The following MAD2L2 variants were observed in gnomAD, a reference collection of about 807,000 sequenced individuals.
MAD2L2 encodes the protein mitotic spindle assembly checkpoint protein MAD2B.
MAD2L2 carries 17 observed loss-of-function variants against 30.5 expected under a neutral mutation model. The ratio of observed to expected loss-of-function variants is 0.56; its 90% CI spans 0.38 to 0.84. The LOEUF (loss-of-function observed/expected upper bound fraction) is 0.84. MAD2L2 is among the 40% of genes least tolerant of loss of function. The pLI, the probability that MAD2L2 is intolerant of heterozygous loss-of-function variation, is 0.00. For synonymous variants in MAD2L2, 101 were observed against 113.9 expected (o/e 0.89, Z 0.72); for missense variants, 213 against 277.4 (o/e 0.77, Z 1.65).
chr1:11,683,649 A>T (rs1456058272), upstream of MAD2L2, among the ~76,000 whole-genome samples: 1 of 152,122 alleles, frequency 6.6e-6, no homozygotes, highest in African/African-American at 2.4e-5. Context: ...TAACTTACCC[A>T]TGTAACCAAA....
At chr1:11,682,795 T>G (rs1037809950), upstream of MAD2L2, among the ~76,000 whole-genome samples, 1 of 152,164 alleles carries the variant, frequency 6.6e-6, no homozygotes, top group Admixed American at 6.5e-5. Flanking sequence ...AAAATTGTGA[T>G]GTAAAATCAT....
At chr1:11,683,401 C>G (rs1039466176), upstream of MAD2L2, among the ~76,000 whole-genome samples, 10 of 152,166 alleles carry the variant, frequency 6.6e-5, no homozygotes, top group African/African-American at 2.4e-4. Flanking sequence ...CAACTAGAAA[C>G]CTGTGGATAA....
rs1306121487 is a variant in MAD2L2 at position 11,688,837 on chromosome 1, T to A, written c.-692+2576A>T. On this transcript the variant is annotated intron_variant, in intron 1 of 10. Transcript: ENST00000235310. This position sits in a 1 kb window ranked among gnomAD's most constrained non-coding sequence, Gnocchi z 4.6. ...GCACAAGATACAGGTCATAAAGACC[T>A]TGCTGATAAAACAGTTTGCAGTAAG... Among the ~76,000 whole-genome samples the A allele has an allele frequency of 1.3e-5, 2 of 152,184 alleles. No homozygotes were observed. The highest frequency in any genetic ancestry group is 2.4e-5 in the African/African-American group (1 of 41,454).
At chr1:11,677,280 G>GA (rs1640786354) in intron 4 of MAD2L2, 1 of 595,948 alleles carries the variant, frequency 1.7e-6, no homozygotes, top group Non-Finnish European at 3.0e-6. Context: ...GAAGAACCCC[G>GA]AACCCTCTGG....
Position 11,675,125 on chromosome 1 carries a change from G to A in MAD2L2, c.551C>T (p.Pro184Leu). ...CATGGTTTTTAGTGGTATCAGCCGG[G>A]GGTCATGCATGTGGACATCCTGCTC... is the stretch of plus-strand genomic sequence containing the variant. Reference protein sequence around the residue: ...ADEQDVHMHDPRLIPLKTMTS... With the variant: ...ADEQDVHMHDLRLIPLKTMTS... Residue 184 changes from proline to leucine, a missense_variant, in exon 8 of 9, where the codon CCC (proline) becomes CTC (leucine). By Grantham distance (98) the Pro-to-Leu change is moderately conservative. Transcript: ENST00000376692. 6.2e-7 allele frequency: 1 copy of A among 1,605,222 alleles called. No individual in the cohort carries two copies. The highest frequency in any genetic ancestry group is 8.5e-7 in the Non-Finnish European group (1 of 1,175,366).
At position 11,676,828 on chromosome 1, in the gene MAD2L2, G is replaced by A. The variant is rs559644551; in HGVS notation, c.332+20C>T. On this transcript the variant is annotated intron_variant, in intron 5 of 8. Coordinates refer to ENST00000376692, the MANE Select transcript of MAD2L2 (RefSeq NM_006341.4). ...ACACACCTGATGCCAGCTAGTGGGC[G>A]AGGGGCAGGGGCAGCCCACCTGATG... The A allele has an allele frequency of 1.8e-5, 28 of 1,598,984 alleles. No individual in the cohort carries two copies. The highest frequency in any genetic ancestry group is 1.0e-4 in the Admixed American group (6 of 59,962).
intron 1 of MAD2L2, among the ~76,000 whole-genome samples, chr1:11,689,428 T>A (rs111886081): frequency 0.15 from 22,233 of 151,112 alleles, 1,867 homozygotes; most frequent in South Asian, 0.21. Context: ...TGAAACCCCA[T>A]CTCTACTGAA....
chr1:11,677,457 C>T, intron 4 of MAD2L2, 86 bp downstream of exon 4: 1 of 1,305,272 alleles, frequency 7.7e-7, no homozygotes, highest in South Asian at 1.2e-5. Context: ...GTCCTAGCTT[C>T]ACCCCATCCC....
chr1:11,677,426 G>C (rs756984926), intron 4 of MAD2L2, 117 bp downstream of exon 4: 3 of 994,204 alleles, frequency 3.0e-6, no homozygotes, highest in Non-Finnish European at 4.7e-6. Context: ...CTGGGTATTG[G>C]AGCCATGAAG....
rs111623306 is a variant in MAD2L2 at position 11,688,475 on chromosome 1, C to T, written c.-692+2938G>A. Among the ~76,000 whole-genome samples, 19 of 152,086 alleles carry T rather than the reference C, an allele frequency of 1.2e-4. 1 individual carries two copies. Among genetic ancestry groups the T allele is most frequent in the African/African-American group, 4.6e-4 (19 of 41,470 alleles). ...ACTCAGGAAGCTGAGGCAGGCGAATCGCTTGAACTTGGGAGGCAGAGGTTG... is the reference window on the plus strand; with the variant it reads ...ACTCAGGAAGCTGAGGCAGGCGAATTGCTTGAACTTGGGAGGCAGAGGTTG... On this transcript the variant is annotated intron_variant, in intron 1 of 10. Transcript: ENST00000235310. This position sits in a 1 kb window ranked among gnomAD's most constrained non-coding sequence, Gnocchi z 4.6.
At chr1:11,675,025 G>A in intron 8 of MAD2L2, 57 bp downstream of exon 8, 1 of 1,441,256 alleles carries the variant, frequency 6.9e-7, no homozygotes, top group Non-Finnish European at 9.5e-7. Context: ...TCAGCACCGG[G>A]CCTCACTTCG....
At chr1:11,675,235 G>C (rs1385863681) in intron 7 of MAD2L2, 61 bp from the exon 8 acceptor site, 1 of 1,202,582 alleles carries the variant, frequency 8.3e-7, no homozygotes, top group African/African-American at 1.5e-5. Context: ...CCCTCACTTT[G>C]CTGTCCCTCC....
chr1:11,674,654 G>A lies in MAD2L2; in HGVS notation c.*121C>T. 1 of 1,084,482 alleles carries A rather than the reference G, an allele frequency of 9.2e-7. No individual in the cohort carries two copies. Among genetic ancestry groups the A allele is most frequent in the Non-Finnish European group, 1.4e-6 (1 of 723,358 alleles). 67.2% of individuals were successfully genotyped at this position (1,084,482 alleles called of 1,614,324 possible). ...ACCTGAGCGGCCCCGGGCTGGGGCGGGCGATCCACACACAGAGGCGATAAG... is the reference window on the plus strand; with the variant it reads ...ACCTGAGCGGCCCCGGGCTGGGGCGAGCGATCCACACACAGAGGCGATAAG... On this transcript the variant is annotated 3_prime_UTR_variant, in exon 9 of 9. Coordinates refer to ENST00000376692, the MANE Select transcript of MAD2L2 (RefSeq NM_006341.4). This position sits in a 1 kb window ranked among gnomAD's most constrained non-coding sequence, Gnocchi z 6.1.
intron 3 of MAD2L2, 86 bp from the exon 4 acceptor site, chr1:11,677,700 G>T: frequency 8.8e-7 from 1 of 1,139,308 alleles, no homozygotes; most frequent in Non-Finnish European, 1.3e-6. Context: ...GGCCCCATCT[G>T]CCTTCGGTCC....
At chr1:11,686,690 A>T (rs1310096383) in intron 1 of MAD2L2, among the ~76,000 whole-genome samples, 1 of 152,032 alleles carries the variant, frequency 6.6e-6, no homozygotes, top group Non-Finnish European at 1.5e-5. Context: ...GGCTTGAGCC[A>T]CTGCGCCCGG....
chr1:11,677,581 G>C lies in MAD2L2; in HGVS notation c.193C>G (p.Gln65Glu). 1 of 1,613,668 alleles carries C rather than the reference G, an allele frequency of 6.2e-7. No homozygotes were observed. The highest frequency in any genetic ancestry group is 8.5e-7 in the Non-Finnish European group (1 of 1,179,960). ...SCHPELNQYI[Q>E]DTLHCVKPLL... ...GGCTTGACGCAGTGCAGCGTGTCCT[G>C]GATATACTGATTCAGCTCCGGGTGG... is the stretch of plus-strand genomic sequence containing the variant. The change falls in exon 4 of 9, where the codon CAG becomes GAG. Residue 65 changes from glutamine to glutamate, a missense_variant. Transcript: ENST00000376692.
Position 11,687,169 on chromosome 1 carries a change from G to A in MAD2L2, c.-692+4244C>T, listed in dbSNP as rs1253590056. On this transcript the variant is annotated intron_variant, in intron 1 of 10. Coordinates refer to the MAD2L2 transcript ENST00000235310. The surrounding 1 kb of genome is among the most constrained non-coding windows in gnomAD (Gnocchi z 4.1). ...AAGCCTCAACCTCCTGGGCTCAAGC[G>A]ATCCTCCCACCTCAGCCTCCCCAAT... 5.3e-5 allele frequency among the ~76,000 whole-genome samples: 8 copies of A among 152,120 alleles called. No individual in the cohort carries two copies. Among genetic ancestry groups the A allele is most frequent in the South Asian group, 2.1e-4 (1 of 4,826 alleles).
chr1:11,680,530 C>T, intron 2 of MAD2L2, 32 bp downstream of exon 2: 1 of 1,609,516 alleles, frequency 6.2e-7, no homozygotes, highest in Non-Finnish European at 8.5e-7. Flanking sequence ...CAGACGCCCC[C>T]GCCCCCGGGC....
rs896683577 is a variant in MAD2L2 at position 11,690,072 on chromosome 1, C to T, written c.-692+1341G>A. Among the ~76,000 whole-genome samples, 10 of 152,058 alleles carry T rather than the reference C, an allele frequency of 6.6e-5. No individual in the cohort carries two copies. Among genetic ancestry groups the T allele is most frequent in the African/African-American group, 2.4e-4 (10 of 41,394 alleles). The stretch of plus-strand genomic sequence containing the variant: ...TTCCTAATAACTTTATGTAAAACAA[C>T]ACCTCGTCCCTTCATGCTTTGTCTG... On this transcript the variant is annotated intron_variant, in intron 1 of 10. Transcript: ENST00000235310. This position sits in a 1 kb window ranked among gnomAD's most constrained non-coding sequence, Gnocchi z 4.2.
Sources: allele counts gnomAD v4.1 joint callset (sites outside exome capture counted in the v4.1 genomes callset), GRCh38; gene constraint gnomAD v4.1.1; non-coding constraint Gnocchi (gnomAD v3.1); transcripts MANE v1.5; gene names NCBI Gene and HGNC (gene_info 2026-07-23, HGNC 2026-07-21).